Variants in SEPTIN14 observed in about 807,000 individuals in gnomAD.
SEPTIN14 encodes septin 14.
In SEPTIN14, 40 loss-of-function variants were observed where a neutral mutation model predicts 53.6. That is an observed-to-expected ratio of 0.75 (90% CI 0.58 to 0.97). The LOEUF (loss-of-function observed/expected upper bound fraction) is 0.97. Ranked by LOEUF, SEPTIN14 falls within the 50% of genes least tolerant of loss-of-function variation. The pLI, the probability that SEPTIN14 is intolerant of heterozygous loss-of-function variation, is 0.00. For synonymous variants in SEPTIN14, 138 were observed against 166.8 expected (o/e 0.83, Z 1.33); for missense variants, 471 against 508.2 (o/e 0.93, Z 0.70).
chr7:55,848,717 C>T (rs1333243757), intron 2 of SEPTIN14, among the ~76,000 whole-genome samples: 1 of 151,404 alleles, frequency 6.6e-6, no homozygotes, highest in African/African-American at 2.4e-5. Context: ...ACGCCATTCT[C>T]CTGCCTCAGC....
At chr7:55,841,153 C>T (rs1309704918) in intron 5 of SEPTIN14, among the ~76,000 whole-genome samples, 2 of 152,034 alleles carry the variant, frequency 1.3e-5, no homozygotes, top group African/African-American at 4.8e-5. Context: ...AGGTGATCTG[C>T]CCACCTCAGC....
intron 6 of SEPTIN14, among the ~76,000 whole-genome samples, chr7:55,826,346 A>AG (rs1482378433): frequency 6.6e-6 from 1 of 152,252 alleles, no homozygotes; most frequent in East Asian, 1.9e-4. Flanking sequence ...AAGCAGCAAG[A>AG]GAAAAACATC....
chr7:55,826,596 A>G (rs995969729), intron 6 of SEPTIN14, among the ~76,000 whole-genome samples: 2 of 152,136 alleles, frequency 1.3e-5, no homozygotes, highest in African/African-American at 4.8e-5. Context: ...TCAGGAGTTC[A>G]AGACCAGCCT....
intron 6 of SEPTIN14, among the ~76,000 whole-genome samples, chr7:55,822,204 A>G (rs750470515): frequency 1.3e-5 from 2 of 152,190 alleles, no homozygotes; most frequent in Non-Finnish European, 2.9e-5. Flanking sequence ...ACTGTTTTTC[A>G]TAGTGGTTCT....
intron 9 of SEPTIN14, among the ~76,000 whole-genome samples, chr7:55,800,226 A>G (rs1788503047): frequency 6.6e-6 from 1 of 152,226 alleles, no homozygotes. Context: ...GTCACTTGCA[A>G]CAACATGGAT....
At chr7:55,844,105 C>G (rs1342807305) in intron 4 of SEPTIN14, among the ~76,000 whole-genome samples, 3 of 152,020 alleles carry the variant, frequency 2.0e-5, no homozygotes, top group African/African-American at 7.2e-5. Context: ...CCACTGCACT[C>G]CAGCCTGGGT....
chr7:55,806,567 G>A (rs778199155), intron 8 of SEPTIN14, among the ~76,000 whole-genome samples: 8 of 151,146 alleles, frequency 5.3e-5, no homozygotes, highest in Non-Finnish European at 1.2e-4. Flanking sequence ...GGGTTCAAGC[G>A]ATTCTCCTGC....
chr7:55,831,276 A>T (rs1584263202), intron 6 of SEPTIN14, among the ~76,000 whole-genome samples: 1 of 152,290 alleles, frequency 6.6e-6, no homozygotes, highest in Admixed American at 6.5e-5. Context: ...AAAGGGAGAA[A>T]AAAATTGTGA....
chr7:55,836,222 G>C (rs1007669894), intron 5 of SEPTIN14, among the ~76,000 whole-genome samples: 2 of 151,966 alleles, frequency 1.3e-5, no homozygotes, highest in Non-Finnish European at 2.9e-5. Context: ...TTTTTTCCTA[G>C]TGCTTCAATA....
chr7:55,830,372 A>C (rs1231168750), intron 6 of SEPTIN14, among the ~76,000 whole-genome samples: 1 of 91,144 alleles, frequency 1.1e-5, no homozygotes, highest in Non-Finnish European at 2.1e-5. Context: ...TTTGAGACGG[A>C]GTCTCGCTCT....
chr7:55,832,214 C>T (rs975755438), intron 6 of SEPTIN14, among the ~76,000 whole-genome samples: 87 of 144,816 alleles, frequency 6.0e-4, no homozygotes, highest in Non-Finnish European at 9.9e-4. Flanking sequence ...CACACACACA[C>T]ACACACACAC....
At chr7:55,822,469 A>G (rs10223916) in intron 6 of SEPTIN14, among the ~76,000 whole-genome samples, 31,154 of 152,104 alleles carry the variant, frequency 0.2, 4,277 homozygotes, top group East Asian at 0.43. Context: ...GAAGAACAAA[A>G]TTGGAAGACA....
chr7:55,808,581 C>T (rs762661860), intron 7 of SEPTIN14, among the ~76,000 whole-genome samples: 10 of 151,986 alleles, frequency 6.6e-5, no homozygotes, highest in South Asian at 2.1e-4. Flanking sequence ...GACAGAGTTT[C>T]GCTTTTGTCA....
chr7:55,839,820 A>G (rs1789276426), intron 5 of SEPTIN14, among the ~76,000 whole-genome samples: 1 of 152,116 alleles, frequency 6.6e-6, no homozygotes, highest in Non-Finnish European at 1.5e-5. Context: ...TGTGACCTCA[A>G]CTGAGATAAA....
At chr7:55,829,296 T>C (rs1706504552) in intron 6 of SEPTIN14, among the ~76,000 whole-genome samples, 1 of 151,540 alleles carries the variant, frequency 6.6e-6, no homozygotes, top group Non-Finnish European at 1.5e-5. Context: ...TGAGAATTGC[T>C]TGAACCTGGG....
chr7:55,857,490 G>GAGGGGAGGGA (rs1789656925), intron 2 of SEPTIN14, among the ~76,000 whole-genome samples: 3 of 71,446 alleles, frequency 4.2e-5, no homozygotes, highest in African/African-American at 1.4e-4. Flanking sequence ...GAGGGGAGGG[G>GAGGGGAGGGA]AGGGAAGGGA....
chr7:55,828,197 A>G (rs1789023585), intron 6 of SEPTIN14, among the ~76,000 whole-genome samples: 2 of 152,108 alleles, frequency 1.3e-5, no homozygotes, highest in African/African-American at 4.8e-5. Flanking sequence ...CAAAGATACC[A>G]GAACAATGCA....
chr7:55,852,511 A>C (rs1789536928), intron 2 of SEPTIN14, among the ~76,000 whole-genome samples: 1 of 152,146 alleles, frequency 6.6e-6, no homozygotes, highest in Admixed American at 6.6e-5. Context: ...ACAGACTCCT[A>C]TCTCTTATCA....
At chr7:55,828,567 G>T (rs1439953121) in intron 6 of SEPTIN14, among the ~76,000 whole-genome samples, 2 of 152,228 alleles carry the variant, frequency 1.3e-5, no homozygotes, top group Admixed American at 1.3e-4. Flanking sequence ...GCCTCCCAAA[G>T]TGCTGGGATT....
Sources: gnomAD v4.1 joint callset for allele counts (sites outside exome capture counted in the v4.1 genomes callset) on GRCh38, gnomAD v4.1.1 for gene constraint, MANE v1.5 for transcripts, NCBI Gene and HGNC (gene_info 2026-07-23, HGNC 2026-07-21) for gene names.